Variants in CADPS observed in about 807,000 individuals in gnomAD.
CADPS encodes calcium dependent secretion activator, also known as calcium-dependent secretion activator 1.
In CADPS, 57 loss-of-function variants were observed where a neutral mutation model predicts 167.3. That is an observed-to-expected ratio of 0.34 (90% CI 0.28 to 0.42). The LOEUF (loss-of-function observed/expected upper bound fraction) is 0.42. CADPS is among the 20% of genes least tolerant of loss of function. CADPS has a pLI of 1.00. For missense variants in CADPS, 1,414 were observed against 1,738.1 expected (o/e 0.81, Z 3.32); for synonymous variants, 676 against 635.3 (o/e 1.06, Z -0.96).
chr3:62,648,556 C>T (rs1031230745), intron 5 of CADPS, among the ~76,000 whole-genome samples: 4 of 151,558 alleles, frequency 2.6e-5, no homozygotes, highest in African/African-American at 7.3e-5. Flanking sequence ...GTGGTGTGCA[C>T]CTGTAGTCCC....
At chr3:62,443,427 C>G (rs2056688621) in intron 27 of CADPS, among the ~76,000 whole-genome samples, 1 of 152,190 alleles carries the variant, frequency 6.6e-6, no homozygotes, top group African/African-American at 2.4e-5. Flanking sequence ...TGTGAAAACT[C>G]TACTAATTCA....
At chr3:62,509,433 T>G (rs1211346385) in intron 17 of CADPS, among the ~76,000 whole-genome samples, 3 of 152,090 alleles carry the variant, frequency 2.0e-5, no homozygotes, top group African/African-American at 7.2e-5. Context: ...TATTGGTCCC[T>G]TGTGGAAGAC....
rs2059909072 is a variant in CADPS at position 62,601,163 on chromosome 3, G to T, written c.1326-8415C>A. 6.6e-6 allele frequency among the ~76,000 whole-genome samples: 1 copy of T among 152,116 alleles called. No homozygotes were observed. Among genetic ancestry groups the T allele is most frequent in the Non-Finnish European group, 1.5e-5 (1 of 68,024 alleles). ...ATGTATGGCTCATAAGCTAATAAGG[G>T]CTTTGTATTTTCAAATGGCTGAAAA... On this transcript the variant is annotated intron_variant, in intron 6 of 29. Coordinates refer to ENST00000383710, the MANE Select transcript of CADPS (RefSeq NM_003716.4). This position sits in a 1 kb window ranked among gnomAD's most constrained non-coding sequence, Gnocchi z 4.3.
chr3:62,852,523 A>C (rs1360327655), intron 1 of CADPS, among the ~76,000 whole-genome samples: 2 of 151,778 alleles, frequency 1.3e-5, no homozygotes, highest in Non-Finnish European at 2.9e-5. Flanking sequence ...CCATCATGAG[A>C]CTGTTAACAG....
chr3:62,620,561 C>T (rs77440858), intron 6 of CADPS, among the ~76,000 whole-genome samples: 5,071 of 152,232 alleles, frequency 0.033, 291 homozygotes, highest in African/African-American at 0.11. Context: ...GGTACTACTA[C>T]TGCTTCCATG....
intron 13 of CADPS, among the ~76,000 whole-genome samples, chr3:62,525,515 T>A (rs2071858493): frequency 6.6e-6 from 1 of 152,122 alleles, no homozygotes; most frequent in Non-Finnish European, 1.5e-5. Flanking sequence ...GTGTGTAACA[T>A]GAGACCAAGA....
chr3:62,447,036 C>G (rs1230059172), intron 26 of CADPS, among the ~76,000 whole-genome samples: 1 of 152,158 alleles, frequency 6.6e-6, no homozygotes, highest in African/African-American at 2.4e-5. Flanking sequence ...TTTCTCAATG[C>G]TAGTTTCCAA....
At chr3:62,618,184 C>G (rs1374282486) in intron 6 of CADPS, among the ~76,000 whole-genome samples, 1 of 152,152 alleles carries the variant, frequency 6.6e-6, no homozygotes, top group Non-Finnish European at 1.5e-5. Flanking sequence ...TTACTGGTAG[C>G]AACCAGCTTG....
chr3:62,665,657 T>C (rs2074267442), intron 3 of CADPS, among the ~76,000 whole-genome samples: 1 of 152,186 alleles, frequency 6.6e-6, no homozygotes. Flanking sequence ...CAGAGAAATG[T>C]CAACCCTCTG....
At chr3:62,865,643 C>T (rs1388632670) in intron 1 of CADPS, among the ~76,000 whole-genome samples, 1 of 151,938 alleles carries the variant, frequency 6.6e-6, no homozygotes, top group Non-Finnish European at 1.5e-5. Context: ...AGGAATAACA[C>T]AGCAAAAATA....
chr3:62,468,103 T>G, intron 24 of CADPS, among the ~76,000 whole-genome samples: 1 of 152,164 alleles, frequency 6.6e-6, no homozygotes, highest in Non-Finnish European at 1.5e-5. Context: ...TACTCCTAAG[T>G]GGCATAAACC....
chr3:62,713,343 T>C (rs952039), intron 3 of CADPS, among the ~76,000 whole-genome samples: 85,955 of 151,874 alleles, frequency 0.57, 24,597 homozygotes, highest in East Asian at 0.74. Flanking sequence ...CAGACCAGAT[T>C]GAAGACTGGC....
intron 22 of CADPS, among the ~76,000 whole-genome samples, chr3:62,479,973 G>C (rs1056046600): frequency 6.6e-6 from 1 of 152,040 alleles, no homozygotes; most frequent in African/African-American, 2.4e-5. Flanking sequence ...AAATCATTAA[G>C]TACATATGAA....
intron 3 of CADPS, among the ~76,000 whole-genome samples, chr3:62,711,281 T>C (rs1444713595): frequency 6.6e-6 from 1 of 152,204 alleles, no homozygotes; most frequent in African/African-American, 2.4e-5. Flanking sequence ...GGTAATCTGG[T>C]ATAGTGATAA....
At chr3:62,669,429 G>A (rs1245595632) in intron 3 of CADPS, among the ~76,000 whole-genome samples, 1 of 152,198 alleles carries the variant, frequency 6.6e-6, no homozygotes, top group Admixed American at 6.5e-5. Context: ...GGAGATGGGG[G>A]TGCCCAAGCT....
At chr3:62,667,040 T>G (rs1314705866) in intron 3 of CADPS, among the ~76,000 whole-genome samples, 2 of 150,908 alleles carry the variant, frequency 1.3e-5, no homozygotes, top group Non-Finnish European at 1.5e-5. Context: ...CAATCTTGTT[T>G]TTTTTTTTTT....
intron 13 of CADPS, among the ~76,000 whole-genome samples, chr3:62,529,611 C>T (rs376703428): frequency 6.6e-6 from 1 of 152,164 alleles, no homozygotes; most frequent in African/African-American, 2.4e-5. Context: ...TTACATATTG[C>T]GGTGAAGGAG....
rs1465398318 is a variant in CADPS at position 62,532,891 on chromosome 3, T to C, written c.2271A>G (p.Ala757=). 1.2e-6 allele frequency: 2 copies of C among 1,613,658 alleles called. No homozygotes were observed. The highest frequency in any genetic ancestry group is 2.2e-5 in the East Asian group (1 of 44,806). Residue 757 remains alanine, a synonymous_variant, in exon 13 of 30, where the codon GCA becomes GCG. Transcript: ENST00000383710. ...CTTACCTGTTCCCATGGACATGGGA[T>C]GCACAGAAGGCAAAGCTGTAGTGAA... The part of the protein sequence containing the change: ...TLLHYSFAFC[A]SHVHGNRPDG...
At chr3:62,680,438 C>T (rs2076972205) in intron 3 of CADPS, among the ~76,000 whole-genome samples, 1 of 152,036 alleles carries the variant, frequency 6.6e-6, no homozygotes, top group African/African-American at 2.4e-5. Flanking sequence ...GGCATTTAGG[C>T]CTGAAACCTC....
Sources: allele counts gnomAD v4.1 joint callset (sites outside exome capture counted in the v4.1 genomes callset), GRCh38; gene constraint gnomAD v4.1.1; non-coding constraint Gnocchi (gnomAD v3.1); transcripts MANE v1.5; gene names NCBI Gene and HGNC (gene_info 2026-07-23, HGNC 2026-07-21).